Variants in ADGRG6 observed in about 807,000 individuals in gnomAD.
The protein encoded by ADGRG6 is adhesion G protein-coupled receptor G6, also known as G-protein coupled receptor 126.
In ADGRG6, 84 loss-of-function variants were observed where a neutral mutation model predicts 142.4. That is an observed-to-expected ratio of 0.59 (90% confidence interval 0.49 to 0.71). The LOEUF is 0.71. ADGRG6 is among the 30% of genes least tolerant of loss of function. The pLI is 0.00. For synonymous variants in ADGRG6, 521 were observed against 520.5 expected (o/e 1.00, Z -0.01); for missense variants, 1,367 against 1,466.6 (o/e 0.93, Z 1.11).
intron 11 of ADGRG6, among the ~76,000 whole-genome samples, chr6:142,401,503 A>T (rs938723914): frequency 6.6e-5 from 10 of 152,136 alleles, no homozygotes; most frequent in African/African-American, 2.4e-4. Flanking sequence ...TTTTTTTCCC[A>T]TAAGAATTTT....
chr6:142,308,099 T>C lies in ADGRG6; in HGVS notation c.3-1445T>C, dbSNP rs115020195. On this transcript the variant is annotated intron_variant, in intron 1 of 24. Transcript: ENST00000367609. ...TCCTTTGATTTCACTGTGGACAGAA[T>C]AACACCACTTAAATGAGAATGCCTG... Among the ~76,000 whole-genome samples the C allele has an allele frequency of 7.3e-3, 1,112 of 152,104 alleles. 15 individuals carry two copies. The highest frequency in any genetic ancestry group is 0.025 in the African/African-American group (1,055 of 41,526).
intron 22 of ADGRG6, among the ~76,000 whole-genome samples, chr6:142,436,035 A>G (rs1777470454): frequency 6.6e-6 from 1 of 152,150 alleles, no homozygotes; most frequent in Non-Finnish European, 1.5e-5. Flanking sequence ...TGTTCAGGAC[A>G]TCTGGGATGT....
rs764286860 is a variant in ADGRG6 at position 142,383,783 on chromosome 6, A to G, written c.1162A>G (p.Thr388Ala). Residue 388 changes from threonine to alanine, a missense_variant, in exon 6 of 25, where the codon ACA becomes GCA. Physicochemically the swap from Thr to Ala is moderately conservative, Grantham distance 58. Coordinates refer to ENST00000367609, the MANE Select transcript of ADGRG6 (RefSeq NM_198569.3). ...CQATVNSPST[T>A]PPTVTTNMPV... Reference sequence around the variant, plus strand: ...AGCTACTGTAAACTCTCCTAGTACTACACCACCCACTGTCACCACTAACAT... The same window carrying G: ...AGCTACTGTAAACTCTCCTAGTACTGCACCACCCACTGTCACCACTAACAT... 2 of 1,574,800 alleles carry G rather than the reference A, an allele frequency of 1.3e-6. No homozygotes were observed. Among genetic ancestry groups the G allele is most frequent in the Admixed American group, 1.7e-5 (1 of 59,888 alleles).
In ADGRG6 at chr6:142,395,489, A is replaced by G. The variant is rs543506515; in HGVS notation, c.1424+1531A>G. 3.9e-5 allele frequency among the ~76,000 whole-genome samples: 6 copies of G among 152,282 alleles called. No individual in the cohort carries two copies. In the South Asian group the frequency reaches 1.2e-3, roughly 32 times the overall value. On this transcript the variant is annotated intron_variant, in intron 9 of 24. Transcript: ENST00000367609. ...TTAGTGTACTTACTGTGGTTCTTCT[A>G]CTACCTGGTGATACTAAAATCAGCC...
At chr6:142,316,995 T>C (rs147553720) in intron 2 of ADGRG6, among the ~76,000 whole-genome samples, 1 of 152,190 alleles carries the variant, frequency 6.6e-6, no homozygotes, top group African/African-American at 2.4e-5. Flanking sequence ...AACCTGAAAA[T>C]CTATTACTTG....
intron 1 of ADGRG6, chr6:142,302,552 T>C (rs570350911): frequency 1.9e-6 from 1 of 525,380 alleles, no homozygotes. Context: ...GCTGTTTTTT[T>C]TCCCCCAGCG....
intron 4 of ADGRG6, among the ~76,000 whole-genome samples, chr6:142,373,205 A>T (rs1052012881): frequency 6.6e-6 from 1 of 152,128 alleles, no homozygotes. Flanking sequence ...TGCTCTTCTA[A>T]CCAGTATAAA....
intron 2 of ADGRG6, among the ~76,000 whole-genome samples, chr6:142,354,764 C>A (rs1780362063): frequency 6.6e-6 from 1 of 152,160 alleles, no homozygotes; most frequent in African/African-American, 2.4e-5. Flanking sequence ...AAACTATTAA[C>A]ATTAATTCCC....
intron 1 of ADGRG6, chr6:142,302,621 T>C (rs1777284782): frequency 2.4e-6 from 1 of 423,388 alleles, no homozygotes. Context: ...GCTTCAAGAA[T>C]GGGGAAAACG....
At chr6:142,432,409 T>G (rs1363425410) in intron 22 of ADGRG6, among the ~76,000 whole-genome samples, 4 of 152,178 alleles carry the variant, frequency 2.6e-5, no homozygotes, top group Admixed American at 6.5e-5. Flanking sequence ...ATCTCAAGAT[T>G]ATAGGATTCA....
intron 2 of ADGRG6, among the ~76,000 whole-genome samples, chr6:142,317,289 C>G (rs1778131630): frequency 6.6e-6 from 1 of 151,868 alleles, no homozygotes; most frequent in South Asian, 2.1e-4. Flanking sequence ...AATTTTAAGC[C>G]TTTTCTGATA....
intron 22 of ADGRG6, among the ~76,000 whole-genome samples, chr6:142,437,029 A>G (rs1291067177): frequency 6.6e-6 from 1 of 152,218 alleles, no homozygotes; most frequent in Non-Finnish European, 1.5e-5. Context: ...ATTGAAACAG[A>G]TGATGAGCTT....
chr6:142,302,530 C>T (rs1247226029), intron 1 of ADGRG6, 199 bp downstream of exon 1: 1 of 551,928 alleles, frequency 1.8e-6, no homozygotes, highest in African/African-American at 1.9e-5. Flanking sequence ...GGAGTTGTGA[C>T]ATGTGTGTGT....
At chr6:142,411,974 G>A (rs1019627628) in intron 18 of ADGRG6, among the ~76,000 whole-genome samples, 5 of 152,062 alleles carry the variant, frequency 3.3e-5, no homozygotes, top group Non-Finnish European at 5.9e-5. Flanking sequence ...GAGAGATAAT[G>A]GTTATGATGT....
intron 8 of ADGRG6, among the ~76,000 whole-genome samples, 166 bp downstream of exon 8, chr6:142,393,166 C>T (rs1774989451): frequency 6.6e-6 from 1 of 152,114 alleles, no homozygotes; most frequent in Admixed American, 6.6e-5. Context: ...CAAAAAACCT[C>T]CATGCTGCAG....
At chr6:142,353,393 A>T (rs1222032774) in intron 2 of ADGRG6, among the ~76,000 whole-genome samples, 1 of 152,188 alleles carries the variant, frequency 6.6e-6, no homozygotes. Flanking sequence ...TTTAATCATG[A>T]TTTATATCAA....
At chr6:142,355,983 A>C (rs1780421929) in intron 2 of ADGRG6, among the ~76,000 whole-genome samples, 1 of 152,188 alleles carries the variant, frequency 6.6e-6, no homozygotes, top group Admixed American at 6.6e-5. Flanking sequence ...AAGCAGTTGA[A>C]AGATAGGAAG....
chr6:142,394,767 T>C (rs1775083738), intron 9 of ADGRG6, among the ~76,000 whole-genome samples: 1 of 151,924 alleles, frequency 6.6e-6, no homozygotes, highest in South Asian at 2.1e-4. Context: ...ATACTATTTT[T>C]GTAGAGACTG....
At chr6:142,338,027 T>TTTTTTTTTTG (rs1779422660) in intron 2 of ADGRG6, among the ~76,000 whole-genome samples, 1 of 58,002 alleles carries the variant, frequency 1.7e-5, no homozygotes, top group Non-Finnish European at 3.4e-5. Context: ...GTTTTTTTTT[T>TTTTTTTTTTG]TTTTTTTTTT....
Sources: allele counts gnomAD v4.1 joint callset (sites outside exome capture counted in the v4.1 genomes callset), GRCh38; gene constraint gnomAD v4.1.1; transcripts MANE v1.5; gene names NCBI Gene and HGNC (gene_info 2026-07-23, HGNC 2026-07-21).